IFNGR2: variants seen among roughly 807,000 people sequenced by gnomAD.
The protein encoded by IFNGR2 is IFN-gamma receptor 2.
Under a neutral mutation model 41.1 loss-of-function variants are expected in IFNGR2, and 15 were observed. The observed-to-expected ratio is 0.37, with a 90% confidence interval of 0.24 to 0.56. The LOEUF (loss-of-function observed/expected upper bound fraction) is 0.56, where lower values mean the gene tolerates loss of function less well. Among genes scored for constraint, IFNGR2 ranks in the 20% least tolerant of loss-of-function variants. The pLI is 0.81. For synonymous variants in IFNGR2, 161 were observed against 171.6 expected (o/e 0.94, Z 0.48); for missense variants, 362 against 415.7 (o/e 0.87, Z 1.12).
chr21:33,432,596 G>T, intron 5 of IFNGR2, 118 bp from the exon 6 acceptor site: 1 of 1,141,358 alleles, frequency 8.8e-7, no homozygotes, highest in Non-Finnish European at 1.3e-6. Flanking sequence ...GGGGGTAGAG[G>T]GACTTGCCCA....
Position 33,413,554 on chromosome 21 carries a change from C to T in IFNGR2, c.74-1334C>T, listed in dbSNP as rs143005217. 1.1e-4 allele frequency among the ~76,000 whole-genome samples: 16 copies of T among 152,274 alleles called. No homozygotes were observed. The East Asian group carries it at 3.1e-3, about 29-fold the overall frequency. On this transcript the variant is annotated intron_variant, in intron 1 of 6. Coordinates refer to ENST00000290219, the MANE Select transcript of IFNGR2 (RefSeq NM_005534.4). ...CATGTTTTTCAAACCTTTCTTCCAC[C>T]TTCTGGGCATTTCTTATTAATCTTT...
rs1324622503 is a variant in IFNGR2 at position 33,432,081 on chromosome 21, TGTC to T, written c.562-93_562-91del. 10 of 1,117,696 alleles carry T rather than the reference TGTC, an allele frequency of 8.9e-6. No homozygotes were observed. In the African/African-American group the frequency reaches 1.4e-4, roughly 15 times the overall value. 69.2% of individuals were successfully genotyped at this position (1,117,696 alleles called of 1,614,324 possible). On this transcript the variant is annotated intron_variant, in intron 4 of 6. Coordinates refer to ENST00000290219, the MANE Select transcript of IFNGR2 (RefSeq NM_005534.4). ...AAATGGCATCTTGTTCTTCTTTGGT[TGTC>T]GTGTTCACAGTGAATTTGAGGAAAC...
intron 2 of IFNGR2, among the ~76,000 whole-genome samples, chr21:33,419,106 T>G (rs1000279793): frequency 2.0e-5 from 3 of 152,106 alleles, no homozygotes; most frequent in Non-Finnish European, 2.9e-5. Context: ...TTATTTTATC[T>G]TATTTATTTA....
intron 2 of IFNGR2, among the ~76,000 whole-genome samples, chr21:33,418,337 T>G: frequency 6.6e-6 from 1 of 152,176 alleles, no homozygotes; most frequent in East Asian, 1.9e-4. Flanking sequence ...ATTATAGGTG[T>G]AAGCCATCAC....
At chr21:33,417,122 C>T (rs1410170926) in intron 2 of IFNGR2, among the ~76,000 whole-genome samples, 1 of 151,310 alleles carries the variant, frequency 6.6e-6, no homozygotes, top group Non-Finnish European at 1.5e-5. Flanking sequence ...GACAAGGTCT[C>T]ACTCTGCCCC....
At chr21:33,436,270 A>C (rs2083949894) in intron 6 of IFNGR2, among the ~76,000 whole-genome samples, 1 of 151,968 alleles carries the variant, frequency 6.6e-6, no homozygotes, top group African/African-American at 2.4e-5. Context: ...CAGAGGTTGC[A>C]GTGAGATGAG....
upstream of IFNGR2, chr21:33,403,066 G>A (rs1235348330): frequency 6.7e-6 from 1 of 149,690 alleles, no homozygotes; most frequent in Non-Finnish European, 1.5e-5. Context: ...TCCTCGAATT[G>A]TGCGATCAAG....
rs1307134519 is a variant in IFNGR2, at chr21:33,414,906, C to T, written c.92C>T (p.Pro31Leu). The change falls in exon 2 of 7, where the codon CCC (proline) becomes CTC (leucine). Residue 31 changes from proline to leucine, a missense_variant. Coordinates refer to ENST00000290219, the MANE Select transcript of IFNGR2 (RefSeq NM_005534.4). The stretch of plus-strand genomic sequence containing the variant: ...CCTCAAGACCCTCTTTCCCAGCTGC[C>T]CGCTCCTCAGCACCCGAAGATTCGC... ...AAPPDPLSQL[P>L]APQHPKIRLY... is the part of the protein sequence containing the mutation. 3 of 1,614,100 alleles carry T rather than the reference C, an allele frequency of 1.9e-6. No homozygotes were observed. The South Asian group carries it at 3.3e-5, about 18-fold the overall frequency.
rs775950077 is a variant in IFNGR2 at position 33,421,619 on chromosome 21, C to G, written c.346C>G (p.Arg116Gly). 1.2e-6 allele frequency: 2 copies of G among 1,614,128 alleles called. No individual in the cohort carries two copies. Among genetic ancestry groups the G allele is most frequent in the South Asian group, 2.2e-5 (2 of 91,078 alleles). The change falls in exon 3 of 7, where the codon CGA becomes GGA. Residue 116 changes from arginine (R) to glycine (G), a missense_variant. Physicochemically the swap from Arg to Gly is moderately radical, Grantham distance 125 (BLOSUM62 -2). Transcript: ENST00000290219. The part of the protein sequence containing the change: ...PMDFNVTLRL[R>G]AELGALHSAW... ...GGATTTCAATGTCACTCTACGCCTT[C>G]GAGCTGAGCTGGGAGCACTCCATTC... is the stretch of plus-strand genomic sequence containing the variant.
chr21:33,403,739 C>A, intron 1 of IFNGR2, 123 bp downstream of exon 1: 1 of 553,468 alleles, frequency 1.8e-6, no homozygotes, highest in Non-Finnish European at 2.6e-6. Flanking sequence ...TGGGAATCTG[C>A]GGGGTGCTCC....
chr21:33,409,609 G>A (rs1248178923), intron 1 of IFNGR2, among the ~76,000 whole-genome samples: 3 of 152,174 alleles, frequency 2.0e-5, no homozygotes, highest in Non-Finnish European at 2.9e-5. Flanking sequence ...GCTTACTCAA[G>A]TCTGAACTCT....
chr21:33,432,749 G>C lies in IFNGR2; in HGVS notation c.757G>C (p.Val253Leu). ...GCTTCAGCAAGTCATCCTGATCTCCGTGGGAACATTTTCGTTGCTGTCGGT... is the reference window on the plus strand; with the variant it reads ...GCTTCAGCAAGTCATCCTGATCTCCCTGGGAACATTTTCGTTGCTGTCGGT... ...TELQQVILIS[V>L]GTFSLLSVLA... The change falls in exon 6 of 7, where the codon GTG becomes CTG. Residue 253 changes from valine (V) to leucine (L), a missense_variant. Coordinates refer to ENST00000290219, the MANE Select transcript of IFNGR2 (RefSeq NM_005534.4). 1 of 1,614,136 alleles carries C rather than the reference G, an allele frequency of 6.2e-7. No homozygotes were observed. The highest frequency in any genetic ancestry group is 8.5e-7 in the Non-Finnish European group (1 of 1,180,030).
At chr21:33,426,777 C>T in intron 3 of IFNGR2, 107 bp from the exon 4 acceptor site, 2 of 538,530 alleles carry the variant, frequency 3.7e-6, no homozygotes, top group Non-Finnish European at 6.0e-6. Context: ...TCTACACCCA[C>T]TATATATATA....
At chr21:33,432,607 T>C (rs540727152) in intron 5 of IFNGR2, 107 bp from the exon 6 acceptor site, 7 of 1,292,206 alleles carry the variant, frequency 5.4e-6, no homozygotes, top group Middle Eastern at 1.8e-4. Context: ...GACTTGCCCA[T>C]TTTACTAGGA....
chr21:33,423,035 A>AT lies in IFNGR2; in HGVS notation c.412+1350_412+1351insT, dbSNP rs1402537450. On this transcript the variant is annotated intron_variant, in intron 3 of 6. Transcript: ENST00000290219. ...AGTGTTTGTTAATGATCTTCCCTCT[A>AT]CTTTTTTTTTTTTTTTTTTTTTGAG... Among the ~76,000 whole-genome samples, 284 of 118,134 alleles carry AT rather than the reference A, an allele frequency of 2.4e-3. 7 individuals are homozygous for AT. The highest frequency in any genetic ancestry group is 3.4e-3 in the East Asian group (16 of 4,760). 77.5% of individuals were successfully genotyped at this position (118,134 alleles called of 152,430 possible).
chr21:33,407,805 A>G (rs2083687361), intron 1 of IFNGR2, among the ~76,000 whole-genome samples: 1 of 151,348 alleles, frequency 6.6e-6, no homozygotes, highest in East Asian at 2.0e-4. Flanking sequence ...CACGTTGGCT[A>G]GGCTGGTCTC....
intron 1 of IFNGR2, among the ~76,000 whole-genome samples, chr21:33,409,958 A>G (rs2083704440): frequency 6.6e-6 from 1 of 152,068 alleles, no homozygotes; most frequent in African/African-American, 2.4e-5. Context: ...TTGGGGTTCG[A>G]CCATTAACGC....
chr21:33,426,035 CAT>C (rs1191306274), intron 3 of IFNGR2, among the ~76,000 whole-genome samples: 1 of 152,236 alleles, frequency 6.6e-6, no homozygotes, highest in East Asian at 1.9e-4. Context: ...GATAGCACAT[CAT>C]GAGTCACAGT....
In IFNGR2 at chr21:33,412,686, G is replaced by A. The variant is rs17879014; in HGVS notation, c.74-2202G>A. On this transcript the variant is annotated intron_variant, in intron 1 of 6. Transcript: ENST00000290219. Reference sequence around the variant, plus strand: ...TTCTCCTGCCTCAGCCTCCCAGGTCGCTGGGACTACAGGTGTGTGCCACCA... The same window carrying A: ...TTCTCCTGCCTCAGCCTCCCAGGTCACTGGGACTACAGGTGTGTGCCACCA... Among the ~76,000 whole-genome samples the A allele has an allele frequency of 9.6e-4, 146 of 152,272 alleles. 1 individual carries two copies. The highest frequency in any genetic ancestry group is 3.3e-3 in the African/African-American group (138 of 41,558).
Sources: gnomAD v4.1 joint callset for allele counts (sites outside exome capture counted in the v4.1 genomes callset) on GRCh38, gnomAD v4.1.1 for gene constraint, MANE v1.5 for transcripts, NCBI Gene and HGNC (gene_info 2026-07-23, HGNC 2026-07-21) for gene names.